RTL1: variants seen among roughly 807,000 people sequenced by gnomAD.
RTL1 encodes retrotransposon-like protein 1.
For missense variants in RTL1, 1,681 were observed against 1,767.5 expected (o/e 0.95, Z 0.88); for synonymous variants, 727 against 748.4 (o/e 0.97, Z 0.47).
intron 2 of RTL1, among the ~76,000 whole-genome samples, chr14:100,902,220 C>T (rs948334688): frequency 6.6e-6 from 1 of 152,200 alleles, no homozygotes; most frequent in Non-Finnish European, 1.5e-5. Flanking sequence ...TGTGCAGCAG[C>T]CCCCTTGCCC....
intron 2 of RTL1, among the ~76,000 whole-genome samples, chr14:100,894,326 A>G (rs1424637100): frequency 7.5e-6 from 1 of 133,822 alleles, no homozygotes; most frequent in South Asian, 2.3e-4. Context: ...AAAAAAAAAA[A>G]GAAAAAAAAA....
chr14:100,894,135 C>A (rs1332121904), intron 2 of RTL1, among the ~76,000 whole-genome samples: 1 of 152,002 alleles, frequency 6.6e-6, no homozygotes, highest in Non-Finnish European at 1.5e-5. Flanking sequence ...CACCGTGAAA[C>A]CTTGTCTCTA....
chr14:100,893,784 T>C lies in RTL1; in HGVS notation c.-148-279A>G, dbSNP rs993384063. Among the ~76,000 whole-genome samples the C allele has an allele frequency of 6.6e-6, 1 of 152,166 alleles. No individual in the cohort carries two copies. Among genetic ancestry groups the C allele is most frequent in the Admixed American group, 6.5e-5 (1 of 15,286 alleles). On this transcript the variant is annotated intron_variant, in intron 2 of 3. Transcript: ENST00000649591. This position sits in a 1 kb window ranked among gnomAD's most constrained non-coding sequence, Gnocchi z 4.2. ...GAAGCTGCGAGGGCCTTCCTTTTAT[T>C]ATCCCCATTTTTCAGAAGAGGAATC...
chr14:100,892,310 A>G (rs1171731353), intron 3 of RTL1, among the ~76,000 whole-genome samples: 1 of 152,194 alleles, frequency 6.6e-6, no homozygotes. Context: ...GCCTGGTGGA[A>G]CTAGAATGAG....
rs1291130795 is a variant in RTL1 at position 100,883,486 on chromosome 14, C to A, written c.1303G>T (p.Gly435Cys). ...VQALVDSGAD[G>C]NFMDEKFAQE... ...GCGAACTTCTCATCCATGAAGTTGC[C>A]GTCAGCTCCCGAATCCACCAGGGCC... The change falls in exon 4 of 4, where the codon GGC becomes TGC. Residue 435 changes from glycine (G) to cysteine (C), a missense_variant. Coordinates refer to ENST00000649591, the MANE Select transcript of RTL1 (RefSeq NM_001134888.3). This position sits in a 1 kb window ranked among gnomAD's most constrained non-coding sequence, Gnocchi z 5.9. The A allele has an allele frequency of 1.3e-6, 2 of 1,551,378 alleles. No homozygotes were observed. Among genetic ancestry groups the A allele is most frequent in the South Asian group, 2.4e-5 (2 of 84,062 alleles).
rs1213889503 is a variant in RTL1, at chr14:100,881,440, G to T, written c.3349C>A (p.Arg1117=). The T allele has an allele frequency of 6.4e-7, 1 of 1,550,752 alleles. No individual in the cohort carries two copies. Among genetic ancestry groups the T allele is most frequent in the Non-Finnish European group, 8.7e-7 (1 of 1,146,916 alleles). ...LRPAPAMRVA[R]PQPQRSLRLI... is the part of the protein sequence containing the mutation. ...CGTAGGGAGCGCTGGGGCTGGGGCC[G>T]AGCCACCCGCATGGCGGGTGCCGGC... Residue 1117 remains arginine (R), a synonymous_variant, in exon 4 of 4, where the codon CGG becomes AGG. Coordinates refer to ENST00000649591, the MANE Select transcript of RTL1 (RefSeq NM_001134888.3). This position sits in a 1 kb window ranked among gnomAD's most constrained non-coding sequence, Gnocchi z 6.6.
rs1460821533 is a variant in RTL1, at chr14:100,883,253, G to A, written c.1536C>T (p.His512=). The A allele has an allele frequency of 9.0e-6, 14 of 1,551,404 alleles. No individual in the cohort carries two copies. The East Asian group carries it at 1.5e-4, about 16-fold the overall frequency. The change falls in exon 4 of 4, where the codon CAC becomes CAT. Residue 512 remains histidine, a synonymous_variant. Transcript: ENST00000649591. The surrounding 1 kb of genome is among the most constrained non-coding windows in gnomAD (Gnocchi z 5.9). ...VVLGIRWLRV[H]APEVDWIKGR... ...CTTTGATCCAGTCGACTTCGGGGGCGTGGACTCGGAGCCAGCGGATGCCTA... is the reference window on the plus strand; with the variant it reads ...CTTTGATCCAGTCGACTTCGGGGGCATGGACTCGGAGCCAGCGGATGCCTA...
intron 3 of RTL1, among the ~76,000 whole-genome samples, chr14:100,890,977 G>A (rs571609672): frequency 6.6e-6 from 1 of 152,280 alleles, no homozygotes; most frequent in African/African-American, 2.4e-5. Context: ...GGCAGCTTGA[G>A]GCTTGGAAGC....
rs556259813 is a variant in RTL1 at position 100,883,344 on chromosome 14, A to G, written c.1445T>C (p.Ile482Thr). The change falls in exon 4 of 4, where the codon ATC (isoleucine) becomes ACC (threonine). Residue 482 changes from isoleucine to threonine, a missense_variant. Physicochemically the swap from Ile to Thr is moderately conservative, Grantham distance 89. Coordinates refer to ENST00000649591, the MANE Select transcript of RTL1 (RefSeq NM_001134888.3). The surrounding 1 kb of genome is among the most constrained non-coding windows in gnomAD (Gnocchi z 5.9). ...GATGGACTCCTGGTGGTTCTGGTGGATACACACCAGGGGCTCCGTGTAGAG... is the reference window on the plus strand; with the variant it reads ...GATGGACTCCTGGTGGTTCTGGTGGGTACACACCAGGGGCTCCGTGTAGAG... ...VWLYTEPLVC[I>T]HQNHQESIEF... 56 of 1,551,340 alleles carry G rather than the reference A, an allele frequency of 3.6e-5. No homozygotes were observed. In the South Asian group the frequency reaches 6.4e-4, roughly 18 times the overall value.
chr14:100,884,876 TG>T lies in RTL1; in HGVS notation c.-86-3del. 1.6e-6 allele frequency: 2 copies of T among 1,284,376 alleles called. No individual in the cohort carries two copies. The highest frequency in any genetic ancestry group is 4.8e-5 in the East Asian group (2 of 42,000). The allele number at this position is 1,284,376 out of a possible 1,614,324, so 79.6% of individuals were successfully genotyped here. On this transcript the variant is annotated splice_polypyrimidine_tract_variant and splice_region_variant and intron_variant, in intron 3 of 3. Coordinates refer to ENST00000649591, the MANE Select transcript of RTL1 (RefSeq NM_001134888.3). ...AGCTGGGACCGTGGAGATCAGAACCTGGTGGTGGAAGGGGAGTGTGGGGAGT... is the reference window on the plus strand; with the variant it reads ...AGCTGGGACCGTGGAGATCAGAACCTGTGGTGGAAGGGGAGTGTGGGGAGT...
chr14:100,885,016 C>G (rs1462267194), intron 3 of RTL1, among the ~76,000 whole-genome samples, 142 bp from the exon 4 acceptor site: 2 of 152,236 alleles, frequency 1.3e-5, no homozygotes, highest in East Asian at 3.9e-4. Flanking sequence ...TGTATCGAGC[C>G]AGCCTCTTTG....
intron 3 of RTL1, among the ~76,000 whole-genome samples, chr14:100,888,994 T>C (rs945031617): frequency 3.9e-5 from 6 of 152,208 alleles, no homozygotes; most frequent in African/African-American, 7.2e-5. Flanking sequence ...TTGCTTGTAA[T>C]GTGAATCCCA....
intron 3 of RTL1, among the ~76,000 whole-genome samples, chr14:100,888,455 G>A (rs2038723317): frequency 6.9e-6 from 1 of 144,854 alleles, no homozygotes; most frequent in Non-Finnish European, 1.6e-5. Context: ...CCTGCTGTAA[G>A]CCCTTTATTG....
chr14:100,882,977 G>T lies in RTL1; in HGVS notation c.1812C>A (p.Ser604Arg). ...ELQQAGDSDH[S>R]ETFYECPSTA... ...TGGAGGGACACTCGTAAAAGGTCTC[G>T]CTGTGATCACTGTCTCCAGCCTGCT... The change falls in exon 4 of 4, where the codon AGC becomes AGA. Residue 604 changes from serine (S) to arginine (R), a missense_variant. Ser to Arg is a moderately radical substitution (Grantham distance 110). Transcript: ENST00000649591. 6.2e-7 allele frequency: 1 copy of T among 1,614,088 alleles called. No individual in the cohort carries two copies. The highest frequency in any genetic ancestry group is 2.2e-5 in the East Asian group (1 of 44,874).
intron 2 of RTL1, among the ~76,000 whole-genome samples, chr14:100,894,312 AAAAAAAAAAAAAAAG>A (rs1256790853): frequency 2.0e-5 from 3 of 146,504 alleles, no homozygotes; most frequent in Admixed American, 1.4e-4. Context: ...TCCGTCTCAA[AAAAAAAAAAAAAAAG>A]AAAAAAAAAG....
In RTL1 at chr14:100,880,454, G is replaced by T. The variant is rs1595332140; in HGVS notation, c.*258C>A. ...TCATGGATGTCACTCCCGGGCATGG[G>T]CTTGGGACCTGGAGAACGGAGAACT... On this transcript the variant is annotated 3_prime_UTR_variant, in exon 4 of 4. Transcript: ENST00000649591. 2 of 230,678 alleles carry T rather than the reference G, an allele frequency of 8.7e-6. No homozygotes were observed. Among genetic ancestry groups the T allele is most frequent in the Non-Finnish European group, 1.4e-5 (2 of 139,820 alleles). The allele number at this position is 230,678 out of a possible 1,614,324, so 14.3% of individuals were successfully genotyped here.
intron 2 of RTL1, among the ~76,000 whole-genome samples, chr14:100,899,347 C>T (rs139030353): frequency 6.6e-6 from 1 of 152,208 alleles, no homozygotes; most frequent in African/African-American, 2.4e-5. Flanking sequence ...GTAAACGGGT[C>T]TGGTCCCAGA....
At chr14:100,898,924 G>C (rs1460132532) in intron 2 of RTL1, 1 of 152,264 alleles carries the variant, frequency 6.6e-6, no homozygotes, top group Admixed American at 6.5e-5. Context: ...CTGGTCAACT[G>C]TTACTCACCC....
At position 100,884,279 on chromosome 14, in the gene RTL1, G is replaced by A; in HGVS notation, c.510C>T (p.Ile170=). ...TAELMAMVRS[I]ISLYFRMQDL... is the part of the protein sequence containing the mutation. Reference sequence around the variant, plus strand: ...CTTGCATTCGGAAGTACAGCGAGATGATGGACCTCACCATGGCCATAAGTT... The same window carrying A: ...CTTGCATTCGGAAGTACAGCGAGATAATGGACCTCACCATGGCCATAAGTT... Residue 170 remains isoleucine, a synonymous_variant, in exon 4 of 4, where the codon ATC becomes ATT. Coordinates refer to ENST00000649591, the MANE Select transcript of RTL1 (RefSeq NM_001134888.3). 1 of 1,551,832 alleles carries A rather than the reference G, an allele frequency of 6.4e-7. No individual in the cohort carries two copies. Among genetic ancestry groups the A allele is most frequent in the Non-Finnish European group, 8.7e-7 (1 of 1,147,014 alleles).
Sources: allele counts gnomAD v4.1 joint callset (sites outside exome capture counted in the v4.1 genomes callset), GRCh38; gene constraint gnomAD v4.1.1; non-coding constraint Gnocchi (gnomAD v3.1); transcripts MANE v1.5; gene names NCBI Gene and HGNC (gene_info 2026-07-23, HGNC 2026-07-21).